Variants in CSMD1 observed in about 807,000 individuals in gnomAD.
CSMD1 encodes CUB and Sushi multiple domains 1.
A neutral mutation model predicts 417.5 loss-of-function variants in CSMD1; 213 were observed. That is an observed-to-expected ratio of 0.51 (90% confidence interval 0.46 to 0.57). The LOEUF is 0.57. Ranked by LOEUF, CSMD1 falls within the 20% of genes least tolerant of loss-of-function variation. The probability of loss-of-function intolerance (pLI) is 0.00; values close to 1 mark genes in which losing one functional copy is unlikely to be tolerated. For synonymous variants in CSMD1, 2,862 were observed against 1,736.8 expected (o/e 1.65, Z -16.11); for missense variants, 6,923 against 4,529.7 (o/e 1.53, Z -15.17).
intron 31 of CSMD1, 137 bp from the exon 32 acceptor site, chr8:3,201,862 T>C: frequency 2.2e-6 from 1 of 456,928 alleles, no homozygotes; most frequent in Non-Finnish European, 3.8e-6. Context: ...AAATATTAAC[T>C]TATTTTCTCT....
intron 8 of CSMD1, among the ~76,000 whole-genome samples, chr8:3,608,452 A>G (rs1801727634): frequency 6.6e-6 from 1 of 152,066 alleles, no homozygotes; most frequent in Non-Finnish European, 1.5e-5. Flanking sequence ...AAAGGATAGA[A>G]GAATTTGAAA....
chr8:3,585,985 C>T, intron 9 of CSMD1, 151 bp downstream of exon 9: 1 of 785,220 alleles, frequency 1.3e-6, no homozygotes, highest in Non-Finnish European at 1.9e-6. Flanking sequence ...GGAAAGGTTT[C>T]TGTTATTACC....
chr8:3,084,158 C>CA (rs1447417258), intron 49 of CSMD1, among the ~76,000 whole-genome samples: 1 of 152,126 alleles, frequency 6.6e-6, no homozygotes, highest in African/African-American at 2.4e-5. Context: ...TGAAAACCCA[C>CA]AAAGTCTCTT....
intron 1 of CSMD1, among the ~76,000 whole-genome samples, chr8:4,824,976 T>A (rs962950521): frequency 6.6e-6 from 1 of 152,098 alleles, no homozygotes; most frequent in Non-Finnish European, 1.5e-5. Context: ...AAGAATCTCT[T>A]TGGAAAGTGA....
intron 43 of CSMD1, 118 bp from the exon 44 acceptor site, chr8:3,108,866 A>T (rs11786969): frequency 0.15 from 147,844 of 977,856 alleles, 12,160 homozygotes; most frequent in African/African-American, 0.19. Context: ...ATGCATTCTC[A>T]GGATACTGTG....
At chr8:4,056,273 G>A (rs926601162) in intron 3 of CSMD1, among the ~76,000 whole-genome samples, 3 of 151,702 alleles carry the variant, frequency 2.0e-5, no homozygotes, top group Admixed American at 2.0e-4. Context: ...AGTAGAGATG[G>A]AGTTTCACCA....
intron 37 of CSMD1, among the ~76,000 whole-genome samples, chr8:3,170,749 G>C (rs1290049601): frequency 9.2e-5 from 14 of 152,156 alleles, no homozygotes. Flanking sequence ...CTTTAAAATA[G>C]TGAACTGTGT....
chr8:4,073,316 C>A (rs1027690791), intron 3 of CSMD1, among the ~76,000 whole-genome samples: 1 of 152,020 alleles, frequency 6.6e-6, no homozygotes, highest in Non-Finnish European at 1.5e-5. Context: ...TGAAGTACTA[C>A]AAAATGAAGA....
At chr8:4,586,954 G>A (rs933234106) in intron 2 of CSMD1, among the ~76,000 whole-genome samples, 4 of 152,204 alleles carry the variant, frequency 2.6e-5, no homozygotes, top group East Asian at 1.9e-4. Context: ...TCTGTACTGT[G>A]TAAGAGAGGT....
At chr8:4,378,474 A>G (rs951894090) in intron 3 of CSMD1, among the ~76,000 whole-genome samples, 1 of 152,152 alleles carries the variant, frequency 6.6e-6, no homozygotes, top group Non-Finnish European at 1.5e-5. Flanking sequence ...CTGTCTCCCT[A>G]GTTTTTATCC....
At chr8:4,933,599 G>A (rs920546265) in intron 1 of CSMD1, among the ~76,000 whole-genome samples, 3 of 152,014 alleles carry the variant, frequency 2.0e-5, no homozygotes, top group Non-Finnish European at 4.4e-5. Flanking sequence ...AAGCCTCTCC[G>A]GCACCAAGTG....
chr8:4,081,836 A>C (rs1378693842), intron 3 of CSMD1, among the ~76,000 whole-genome samples: 1 of 152,170 alleles, frequency 6.6e-6, no homozygotes, highest in Non-Finnish European at 1.5e-5. Flanking sequence ...AAGTTAAAAA[A>C]AGTTGAAACC....
intron 10 of CSMD1, among the ~76,000 whole-genome samples, chr8:3,535,379 A>G (rs1585320901): frequency 6.6e-6 from 1 of 152,170 alleles, no homozygotes; most frequent in Non-Finnish European, 1.5e-5. Flanking sequence ...CAGAAATGGA[A>G]ATAAAAGTGT....
chr8:3,997,852 A>C (rs908502097), intron 5 of CSMD1, 51 bp downstream of exon 5: 27 of 1,517,252 alleles, frequency 1.8e-5, no homozygotes, highest in African/African-American at 1.6e-4. Flanking sequence ...TGGGGGAAAA[A>C]ACGGGGAAAA....
At chr8:3,756,295 G>A (rs1584950512) in intron 5 of CSMD1, among the ~76,000 whole-genome samples, 2 of 151,260 alleles carry the variant, frequency 1.3e-5, no homozygotes, top group South Asian at 4.2e-4. Flanking sequence ...AGAGCTTGCA[G>A]TGAGCTGAGA....
chr8:3,857,228 AC>A (rs1804374725), intron 5 of CSMD1, among the ~76,000 whole-genome samples: 1 of 152,160 alleles, frequency 6.6e-6, no homozygotes, highest in Non-Finnish European at 1.5e-5. Context: ...AATTGATACA[AC>A]CTAGGTGGTA....
intron 25 of CSMD1, among the ~76,000 whole-genome samples, 193 bp downstream of exon 25, chr8:3,307,502 G>GAACTT (rs1198821776): frequency 4.6e-5 from 7 of 152,144 alleles, no homozygotes; most frequent in East Asian, 1.9e-4. Context: ...TTACTATATA[G>GAACTT]AACTTAATTA....
chr8:3,313,183 C>G (rs1027057469), intron 23 of CSMD1, among the ~76,000 whole-genome samples: 1 of 152,104 alleles, frequency 6.6e-6, no homozygotes, highest in African/African-American at 2.4e-5. Context: ...AAAACCTAGG[C>G]AATACCATTC....
At chr8:3,493,065 G>T (rs996152838) in intron 11 of CSMD1, among the ~76,000 whole-genome samples, 1 of 152,028 alleles carries the variant, frequency 6.6e-6, no homozygotes, top group African/African-American at 2.4e-5. Flanking sequence ...AGGCTGAAGT[G>T]GGCAAATCAC....
Sources: allele counts gnomAD v4.1 joint callset (sites outside exome capture counted in the v4.1 genomes callset), GRCh38; gene constraint gnomAD v4.1.1; transcripts MANE v1.5; gene names NCBI Gene and HGNC (gene_info 2026-07-23, HGNC 2026-07-21).